The following DENND1A variants were observed in gnomAD, a reference collection of about 807,000 sequenced individuals.
The protein encoded by DENND1A is DENN domain-containing protein 1A.
Under a neutral mutation model 113.7 loss-of-function variants are expected in DENND1A, and 51 were observed. The ratio of observed to expected loss-of-function variants is 0.45; its 90% CI spans 0.36 to 0.57. The LOEUF (loss-of-function observed/expected upper bound fraction) is 0.57. Ranked by LOEUF, DENND1A falls within the 20% of genes least tolerant of loss-of-function variation. DENND1A has a pLI of 0.00. For missense variants in DENND1A, 1,258 were observed against 1,395.9 expected (o/e 0.90, Z 1.57); for synonymous variants, 565 against 570.8 (o/e 0.99, Z 0.14).
intron 13 of DENND1A, among the ~76,000 whole-genome samples, chr9:123,486,784 A>G (rs1422164411): frequency 1.3e-5 from 2 of 151,872 alleles, no homozygotes; most frequent in East Asian, 3.9e-4. Context: ...CCTTCTGGGC[A>G]CCCTCCACCC....
At chr9:123,538,051 C>A (rs571399284) in intron 13 of DENND1A, among the ~76,000 whole-genome samples, 1 of 152,050 alleles carries the variant, frequency 6.6e-6, no homozygotes, top group Non-Finnish European at 1.5e-5. Context: ...GTAAATACAG[C>A]GGAACTAGTC....
At chr9:123,830,872 TGAA>T (rs1373280522) in intron 2 of DENND1A, among the ~76,000 whole-genome samples, 1 of 4,212 alleles carries the variant, frequency 2.4e-4, no homozygotes, top group African/African-American at 2.1e-3. Flanking sequence ...ATCTCAAAAA[TGAA>T]AAAAAAAAAA....
chr9:123,556,241 C>T (rs981479979), intron 13 of DENND1A, among the ~76,000 whole-genome samples: 5 of 152,158 alleles, frequency 3.3e-5, no homozygotes, highest in African/African-American at 9.7e-5. Context: ...GCTCAGGCAG[C>T]CTAGAGAGTA....
chr9:123,884,482 C>A (rs1848734041), intron 1 of DENND1A, among the ~76,000 whole-genome samples: 1 of 152,112 alleles, frequency 6.6e-6, no homozygotes, highest in Non-Finnish European at 1.5e-5. Flanking sequence ...CCTATAGACT[C>A]CTAACCCTGC....
chr9:123,770,668 C>T (rs1300956889), intron 3 of DENND1A, among the ~76,000 whole-genome samples: 2 of 152,080 alleles, frequency 1.3e-5, no homozygotes, highest in African/African-American at 4.8e-5. Flanking sequence ...TTTAAAATCC[C>T]AACTTCAAGA....
chr9:123,465,290 G>A (rs962531432), intron 13 of DENND1A, among the ~76,000 whole-genome samples: 4 of 149,858 alleles, frequency 2.7e-5, no homozygotes, highest in African/African-American at 9.8e-5. Flanking sequence ...CACACCAGAG[G>A]GCTGGTTTTT....
At chr9:123,678,688 G>A (rs954708981) in intron 5 of DENND1A, among the ~76,000 whole-genome samples, 2 of 152,190 alleles carry the variant, frequency 1.3e-5, no homozygotes, top group African/African-American at 4.8e-5. Context: ...ACATGCTACT[G>A]TAAAATTTAA....
intron 20 of DENND1A, among the ~76,000 whole-genome samples, chr9:123,407,925 C>T (rs1050484502): frequency 9.8e-5 from 15 of 152,330 alleles, no homozygotes; most frequent in African/African-American, 3.4e-4. Flanking sequence ...CCTGCCTTTC[C>T]CTGGCAGGCC....
At chr9:123,641,436 C>CAA (rs34664320) in intron 9 of DENND1A, among the ~76,000 whole-genome samples, 24 of 113,442 alleles carry the variant, frequency 2.1e-4, no homozygotes, top group Non-Finnish European at 3.3e-4. Context: ...AATGAAATGG[C>CAA]AAAAAAAAAA....
chr9:123,459,296 C>T (rs540724918), intron 13 of DENND1A, among the ~76,000 whole-genome samples: 36 of 152,374 alleles, frequency 2.4e-4, no homozygotes, highest in African/African-American at 6.0e-4. Context: ...TTGGCCACCT[C>T]CTCATCCCCC....
chr9:123,468,494 T>G (rs2049134040), intron 13 of DENND1A, among the ~76,000 whole-genome samples: 1 of 152,194 alleles, frequency 6.6e-6, no homozygotes, highest in South Asian at 2.1e-4. Context: ...TAAAGCAAGC[T>G]GGGGAATTTG....
At chr9:123,747,468 A>G (rs964223119) in intron 5 of DENND1A, among the ~76,000 whole-genome samples, 1 of 152,180 alleles carries the variant, frequency 6.6e-6, no homozygotes, top group Non-Finnish European at 1.5e-5. Context: ...TAAAATCTCT[A>G]TGTGGTAGTT....
Position 123,403,354 on chromosome 9 carries a change from C to T in DENND1A, c.1631+48G>A, listed in dbSNP as rs747492103. ...CTTGGGCTTCGCAAAGTGCTGGCTC[C>T]GCAGACACAGGGTTCTTACAGACAG... On this transcript the variant is annotated intron_variant, in intron 21 of 23. Transcript: ENST00000394215. The T allele has an allele frequency of 3.8e-5, 60 of 1,598,916 alleles. No homozygotes were observed. The Middle Eastern group carries it at 8.3e-4, about 22-fold the overall frequency.
At chr9:123,438,439 G>A (rs905156567) in intron 19 of DENND1A, among the ~76,000 whole-genome samples, 2 of 152,152 alleles carry the variant, frequency 1.3e-5, no homozygotes, top group Non-Finnish European at 2.9e-5. Context: ...AATAAATAGA[G>A]TGTAGACTGT....
At chr9:123,780,428 G>A (rs946872497) in intron 3 of DENND1A, among the ~76,000 whole-genome samples, 4 of 152,132 alleles carry the variant, frequency 2.6e-5, no homozygotes, top group Admixed American at 1.3e-4. Context: ...ATGATAGATC[G>A]GATTAAGAAG....
chr9:123,632,141 G>A (rs192113366), intron 9 of DENND1A, among the ~76,000 whole-genome samples: 11 of 152,260 alleles, frequency 7.2e-5, no homozygotes, highest in Admixed American at 4.6e-4. Flanking sequence ...ATATTCTGCT[G>A]ATGTTTCACA....
intron 1 of DENND1A, among the ~76,000 whole-genome samples, chr9:123,910,258 G>C (rs529308576): frequency 6.6e-6 from 1 of 152,108 alleles, no homozygotes; most frequent in Admixed American, 6.5e-5. Context: ...TACTTTAAAG[G>C]TACAGTAATT....
chr9:123,548,987 T>C (rs946649728), intron 13 of DENND1A, among the ~76,000 whole-genome samples: 1 of 152,246 alleles, frequency 6.6e-6, no homozygotes, highest in Admixed American at 6.5e-5. Flanking sequence ...AAATAGACAG[T>C]AGTGATGGTT....
At chr9:123,691,639 A>C (rs1197658415) in intron 5 of DENND1A, among the ~76,000 whole-genome samples, 2 of 151,796 alleles carry the variant, frequency 1.3e-5, no homozygotes, top group Non-Finnish European at 2.9e-5. Flanking sequence ...GCTTGTAAGA[A>C]ATTTACATGC....
Sources: allele counts gnomAD v4.1 joint callset (sites outside exome capture counted in the v4.1 genomes callset), GRCh38; gene constraint gnomAD v4.1.1; transcripts MANE v1.5; gene names NCBI Gene and HGNC (gene_info 2026-07-23, HGNC 2026-07-21).